The following CEP290 variants were observed in gnomAD, a reference collection of about 807,000 sequenced individuals.
CEP290 encodes centrosomal protein 290, also known as centrosomal protein of 290 kDa.
Under a neutral mutation model 344.9 loss-of-function variants are expected in CEP290, and 317 were observed. The observed-to-expected ratio is 0.92, with a 90% CI of 0.84 to 1.01. The LOEUF is 1.01. Ranked by LOEUF, CEP290 falls within the 50% of genes least tolerant of loss-of-function variation. CEP290 has a pLI of 0.00. For synonymous variants in CEP290, 932 were observed against 895.8 expected (o/e 1.04, Z -0.72); for missense variants, 2,754 against 2,761.4 (o/e 1.00, Z 0.06).
chr12:88,122,856 T>C (rs775399451), intron 13 of CEP290, among the ~76,000 whole-genome samples: 50 of 152,280 alleles, frequency 3.3e-4, no homozygotes, highest in Middle Eastern at 3.4e-3. Flanking sequence ...TCTCCACGTC[T>C]TCAATCTTTC....
At position 88,120,267 on chromosome 12, in the gene CEP290, C is replaced by T; in HGVS notation, c.1369G>A (p.Gly457Ser). The change falls in exon 15 of 54, where the codon GGT (glycine) becomes AGT (serine). Residue 457 changes from glycine to serine, a missense_variant. Coordinates refer to ENST00000552810, the MANE Select transcript of CEP290 (RefSeq NM_025114.4). ...RLKDYESGVY[G>S]LEDAVVEIKN... ...ATTTCAACGACAGCATCTTCTAAACCATATACTCCCTGAAAAATATCCAAT... is the reference window on the plus strand; with the variant it reads ...ATTTCAACGACAGCATCTTCTAAACTATATACTCCCTGAAAAATATCCAAT... The T allele has an allele frequency of 7.5e-7, 1 of 1,334,334 alleles. No homozygotes were observed. Among genetic ancestry groups the T allele is most frequent in the East Asian group, 2.7e-5 (1 of 36,628 alleles). The allele number at this position is 1,334,334 out of a possible 1,614,324, so 82.7% of individuals were successfully genotyped here. A position where few individuals can be genotyped will look rare whatever the true frequency, so the allele number is the denominator to read the frequency against.
intron 44 of CEP290, among the ~76,000 whole-genome samples, chr12:88,065,134 T>C (rs996087594): frequency 6.6e-6 from 1 of 152,124 alleles, no homozygotes; most frequent in African/African-American, 2.4e-5. Flanking sequence ...CATAGGACTG[T>C]TATAAGCATC....
intron 18 of CEP290, chr12:88,116,038 T>C: frequency 1.0e-6 from 1 of 985,410 alleles, no homozygotes; most frequent in Non-Finnish European, 1.2e-6. Flanking sequence ...TTTTCATGAA[T>C]TTGTTGACAA....
At position 88,082,968 on chromosome 12, in the gene CEP290, A is replaced by T. The variant is rs2036300555; in HGVS notation, c.5012+63T>A. 1.3e-5 allele frequency: 13 copies of T among 980,306 alleles called. No individual in the cohort carries two copies. The East Asian group carries it at 3.3e-4, about 25-fold the overall frequency. The allele number at this position is 980,306 out of a possible 1,614,324, so 60.7% of individuals were successfully genotyped here. ...ACAGTGCCTGGCATAGCAAACACTT[A>T]TGTTTATCTTCATTATATCACTTAT... On this transcript the variant is annotated intron_variant, in intron 37 of 53. Transcript: ENST00000552810.
chr12:88,140,943 A>G lies in CEP290; in HGVS notation c.180+13T>C, dbSNP rs1400876926. 1 of 1,557,204 alleles carries G rather than the reference A, an allele frequency of 6.4e-7. No homozygotes were observed. The highest frequency in any genetic ancestry group is 1.2e-5 in the South Asian group (1 of 81,076). On this transcript the variant is annotated intron_variant, in intron 3 of 53. Coordinates refer to ENST00000552810, the MANE Select transcript of CEP290 (RefSeq NM_025114.4). ...ATAGCCAAACCTATAGTTAAAACCT[A>G]CTACATACAAACCTTCATTAGTGAC...
chr12:88,118,602 T>C (rs2039213567), intron 16 of CEP290, 32 bp from the exon 17 acceptor site: 1 of 1,610,530 alleles, frequency 6.2e-7, no homozygotes, highest in Non-Finnish European at 8.5e-7. Context: ...TATTTCTCTA[T>C]AGTTCAGCCA....
At position 88,121,144 on chromosome 12, in the gene CEP290, CT is replaced by C; in HGVS notation, c.1211del (p.Gln404ArgfsTer4). On this transcript the variant is annotated frameshift_variant, in exon 14 of 54. Coordinates refer to ENST00000552810, the MANE Select transcript of CEP290 (RefSeq NM_025114.4). LOFTEE classifies it high-confidence loss of function. ...RNKGASTLSQQTHMKIQSTLD... is the reference protein window; with the variant it reads ...RNKGASTLSQXTHMKIQSTLD... Reference sequence around the variant, plus strand: ...ACGTTGACTGAATTTTCATATGAGTCTGTTGAGAAAGGGTTGAAGCACCTAC... The same window carrying C: ...ACGTTGACTGAATTTTCATATGAGTCGTTGAGAAAGGGTTGAAGCACCTAC... 6.2e-7 allele frequency: 1 copy of C among 1,612,952 alleles called. No individual in the cohort carries two copies. The highest frequency in any genetic ancestry group is 8.5e-7 in the Non-Finnish European group (1 of 1,179,508).
chr12:88,058,426 C>A, intron 49 of CEP290: 1 of 194,728 alleles, frequency 5.1e-6, no homozygotes. Flanking sequence ...CAGTATGCCA[C>A]ACATTGTGAC....
chr12:88,073,979 C>G (rs1482408981), intron 41 of CEP290, among the ~76,000 whole-genome samples: 2 of 152,092 alleles, frequency 1.3e-5, no homozygotes, highest in Non-Finnish European at 2.9e-5. Context: ...TAATCCAGCA[C>G]TTTGGGGGGC....
intron 22 of CEP290, 149 bp downstream of exon 22, chr12:88,111,053 A>T: frequency 2.4e-6 from 1 of 424,760 alleles, no homozygotes; most frequent in Non-Finnish European, 4.1e-6. Flanking sequence ...ATGAAGACTA[A>T]ATATTGAGAA....
At chr12:88,054,298 T>C in intron 51 of CEP290, 42 bp downstream of exon 51, 1 of 1,337,992 alleles carries the variant, frequency 7.5e-7, no homozygotes, top group Non-Finnish European at 1.0e-6. Flanking sequence ...AATTTTTTTT[T>C]TAAAGAAAAA....
intron 25 of CEP290, chr12:88,104,165 T>A (rs1565872713): frequency 1.3e-5 from 2 of 152,128 alleles, no homozygotes; most frequent in East Asian, 3.8e-4. Context: ...ATTAAAGAAT[T>A]TCTTGATGCT....
chr12:88,114,323 TA>T, intron 20 of CEP290, 96 bp downstream of exon 20: 1 of 968,694 alleles, frequency 1.0e-6, no homozygotes, highest in Non-Finnish European at 1.4e-6. Context: ...TTCAAATGAC[TA>T]AAAATATCTC....
At chr12:88,052,453 G>A (rs2033632588) in intron 52 of CEP290, among the ~76,000 whole-genome samples, 1 of 152,066 alleles carries the variant, frequency 6.6e-6, no homozygotes. Flanking sequence ...ACTGTTAAAG[G>A]CAAATATGCT....
rs537270767 is a variant in CEP290, at chr12:88,118,044, T to TTAA, written c.1711+436_1711+438dup. Among the ~76,000 whole-genome samples the TTAA allele has an allele frequency of 5.4e-3, 813 of 150,128 alleles. 3 individuals are homozygous for TTAA. Among genetic ancestry groups the TTAA allele is most frequent in the Non-Finnish European group, 7.7e-3 (521 of 67,524 alleles). On this transcript the variant is annotated intron_variant, in intron 17 of 53. Coordinates refer to ENST00000552810, the MANE Select transcript of CEP290 (RefSeq NM_025114.4). ...AACAAGACAGACTCCATCTCAAATA[T>TTAA]TAATAATAATAATAATAATAATAAC... is the stretch of plus-strand genomic sequence containing the variant.
intron 31 of CEP290, among the ~76,000 whole-genome samples, 193 bp from the exon 32 acceptor site, chr12:88,088,137 T>C (rs1412915117): frequency 6.6e-6 from 1 of 152,164 alleles, no homozygotes; most frequent in Non-Finnish European, 1.5e-5. Flanking sequence ...ATATGTGGGA[T>C]TTTACAATAA....
intron 38 of CEP290, 39 bp from the exon 39 acceptor site, chr12:88,079,268 A>C (rs2036013916): frequency 2.0e-6 from 3 of 1,503,926 alleles, no homozygotes; most frequent in Non-Finnish European, 2.7e-6. Context: ...TTTTTAAAGG[A>C]AAACTGACAT....
At position 88,111,290 on chromosome 12, in the gene CEP290, A is replaced by G. The variant is rs1488946278; in HGVS notation, c.2279T>C (p.Phe760Ser). 9 of 1,560,018 alleles carry G rather than the reference A, an allele frequency of 5.8e-6. No individual in the cohort carries two copies. The highest frequency in any genetic ancestry group is 2.4e-5 in the East Asian group (1 of 42,452). The change falls in exon 22 of 54, where the codon TTT (phenylalanine) becomes TCT (serine). Residue 760 changes from phenylalanine (F) to serine (S), a missense_variant. Phe to Ser is a radical substitution (Grantham distance 155). Coordinates refer to ENST00000552810, the MANE Select transcript of CEP290 (RefSeq NM_025114.4). ...LRQSEGSNVVFKGIDLPDGIA... is the reference protein window; with the variant it reads ...LRQSEGSNVVSKGIDLPDGIA... ...CCCATCAGGTAAGTCAATTCCTTTAAAAACAACATTTGATCCTTCTGATTG... is the reference window on the plus strand; with the variant it reads ...CCCATCAGGTAAGTCAATTCCTTTAGAAACAACATTTGATCCTTCTGATTG...
rs759176598 is a variant in CEP290 at position 88,132,319 on chromosome 12, T to A, written c.442-1101A>T. Reference sequence around the variant, plus strand: ...AGAATCACAATGGTATACAACGATATTTAAAAAGTCTATAATAAAGAACCA... The same window carrying A: ...AGAATCACAATGGTATACAACGATAATTAAAAAGTCTATAATAAAGAACCA... On this transcript the variant is annotated intron_variant, in intron 6 of 53. Coordinates refer to ENST00000552810, the MANE Select transcript of CEP290 (RefSeq NM_025114.4). 2.0e-5 allele frequency among the ~76,000 whole-genome samples: 3 copies of A among 152,154 alleles called. 1 individual carries two copies. In the South Asian group the frequency reaches 6.2e-4, roughly 32 times the overall value.
Sources: allele counts gnomAD v4.1 joint callset (sites outside exome capture counted in the v4.1 genomes callset), GRCh38; gene constraint gnomAD v4.1.1; transcripts MANE v1.5; gene names NCBI Gene and HGNC (gene_info 2026-07-23, HGNC 2026-07-21).